The following RYR2 variants were observed in gnomAD, a reference collection of about 807,000 sequenced individuals.
RYR2 encodes ryanodine receptor 2, also known as cardiac muscle ryanodine receptor-calcium release channel.
Under a neutral mutation model 601.1 loss-of-function variants are expected in RYR2, and 227 were observed. That is an observed-to-expected ratio of 0.38 (90% CI 0.34 to 0.42). The LOEUF is 0.42. RYR2 is among the 10% of genes least tolerant of loss of function. The pLI, the probability that RYR2 is intolerant of heterozygous loss-of-function variation, is 1.00. For synonymous variants in RYR2, 2,223 were observed against 2,175.1 expected (o/e 1.02, Z -0.61); for missense variants, 4,646 against 6,156.5 (o/e 0.75, Z 8.21).
At chr1:237,262,211 T>C (rs1572397013) in intron 1 of RYR2, among the ~76,000 whole-genome samples, 1 of 148,240 alleles carries the variant, frequency 6.7e-6, no homozygotes, top group East Asian at 2.1e-4. Context: ...GTTCTGGCCT[T>C]TCTTCCATAA....
intron 34 of RYR2, among the ~76,000 whole-genome samples, chr1:237,598,349 G>A (rs559656754): frequency 1.3e-5 from 2 of 152,174 alleles, no homozygotes; most frequent in African/African-American, 4.8e-5. Flanking sequence ...TGCAACAGAT[G>A]TATAGCTGAA....
intron 29 of RYR2, among the ~76,000 whole-genome samples, chr1:237,585,608 G>A (rs1407473468): frequency 2.6e-5 from 4 of 152,150 alleles, no homozygotes; most frequent in African/African-American, 9.7e-5. Context: ...ATTTTTAAAA[G>A]TAAATGTAGT....
intron 62 of RYR2, among the ~76,000 whole-genome samples, chr1:237,684,945 A>AAT (rs397722429): frequency 6.6e-6 from 1 of 151,172 alleles, no homozygotes; most frequent in Non-Finnish European, 1.5e-5. Context: ...AAAAAAAAAA[A>AAT]TACTGTAAAC....
At chr1:237,119,630 A>G (rs1473619307) in intron 1 of RYR2, among the ~76,000 whole-genome samples, 2 of 152,138 alleles carry the variant, frequency 1.3e-5, no homozygotes, top group East Asian at 3.9e-4. Flanking sequence ...GAATGGAAGG[A>G]AGTGGTAGCT....
chr1:237,558,446 G>T (rs1378287237), intron 27 of RYR2, among the ~76,000 whole-genome samples: 1 of 152,054 alleles, frequency 6.6e-6, no homozygotes. Flanking sequence ...CTGCCTTCTG[G>T]CCTTTATGTT....
At chr1:237,643,104 A>C (rs1681739966) in intron 47 of RYR2, among the ~76,000 whole-genome samples, 1 of 152,270 alleles carries the variant, frequency 6.6e-6, no homozygotes, top group South Asian at 2.1e-4. Context: ...GGCCTAGACC[A>C]TAGTATAAAT....
chr1:237,303,441 G>A (rs9651079), intron 2 of RYR2, among the ~76,000 whole-genome samples: 61,838 of 150,576 alleles, frequency 0.41, 13,076 homozygotes, highest in African/African-American at 0.51. Context: ...CTGGGATTAC[G>A]GGTGCACGCC....
intron 86 of RYR2, 25 bp from the exon 87 acceptor site, chr1:237,773,491 TAATA>T (rs1694426270): frequency 2.6e-6 from 4 of 1,521,188 alleles, no homozygotes; most frequent in Non-Finnish European, 3.6e-6. Flanking sequence ...TGTGACTTGA[TAATA>T]AATAATATCA....
At chr1:237,431,846 T>A (rs1706838339) in intron 12 of RYR2, among the ~76,000 whole-genome samples, 1 of 152,198 alleles carries the variant, frequency 6.6e-6, no homozygotes, top group Admixed American at 6.5e-5. Context: ...AAAGTACTCT[T>A]CAGAACTTTG....
At chr1:237,594,897 T>TTTG (rs1675667537) in intron 33 of RYR2, among the ~76,000 whole-genome samples, 59 of 21,208 alleles carry the variant, frequency 2.8e-3, no homozygotes, top group South Asian at 4.3e-3. Flanking sequence ...TTTTTTTTTT[T>TTTG]TTTTTTTTTT....
intron 2 of RYR2, among the ~76,000 whole-genome samples, chr1:237,284,762 T>TTTA (rs947004420): frequency 9.3e-5 from 14 of 151,244 alleles, no homozygotes; most frequent in South Asian, 4.2e-4. Context: ...TGGGCATTTT[T>TTTA]TTATTATTAT....
intron 9 of RYR2, 50 bp downstream of exon 9, chr1:237,387,430 AG>A (rs1702032464): frequency 6.6e-7 from 1 of 1,525,658 alleles, no homozygotes; most frequent in Admixed American, 1.7e-5. Context: ...CAAAGTTGAC[AG>A]TCATCTTTGG....
chr1:237,536,714 CAAAAAAAAA>C (rs71561885), intron 25 of RYR2, among the ~76,000 whole-genome samples: 2 of 54,420 alleles, frequency 3.7e-5, no homozygotes, highest in Admixed American at 5.0e-4. Flanking sequence ...GATTCCGTCT[CAAAAAAAAA>C]AAAAAAAAAA....
chr1:237,443,441 T>G (rs1477689668), intron 13 of RYR2, among the ~76,000 whole-genome samples: 1 of 152,190 alleles, frequency 6.6e-6, no homozygotes, highest in Non-Finnish European at 1.5e-5. Context: ...CTGAATTTTA[T>G]TAATAAAGAA....
intron 29 of RYR2, among the ~76,000 whole-genome samples, chr1:237,571,045 C>T (rs1378630048): frequency 6.6e-6 from 1 of 151,988 alleles, no homozygotes; most frequent in Non-Finnish European, 1.5e-5. Flanking sequence ...GAGGATCACT[C>T]GAGTCCAGGG....
At chr1:237,251,102 A>C (rs755231541) in intron 1 of RYR2, among the ~76,000 whole-genome samples, 1 of 151,664 alleles carries the variant, frequency 6.6e-6, no homozygotes, top group Admixed American at 6.6e-5. Flanking sequence ...TTTTATTTCT[A>C]CAAAGACAGG....
intron 1 of RYR2, among the ~76,000 whole-genome samples, chr1:237,049,643 AG>A (rs1463542535): frequency 1.3e-5 from 2 of 152,210 alleles, no homozygotes; most frequent in African/African-American, 4.8e-5. Context: ...GGTGGATTAC[AG>A]GCCCTGAAAG....
rs1044475057 is a variant in RYR2 at position 237,367,048 on chromosome 1, C to T, written c.310-2486C>T. Among the ~76,000 whole-genome samples the T allele has an allele frequency of 3.3e-5, 5 of 152,048 alleles. No individual in the cohort carries two copies. In the East Asian group the frequency reaches 7.7e-4, roughly 23 times the overall value. On this transcript the variant is annotated intron_variant, in intron 5 of 104. Transcript: ENST00000366574. ...TCAAAGTAGATTTTTCCCTTTTCTT[C>T]TCAGTTATGTGAAAAAAGTGACTGT...
intron 99 of RYR2, among the ~76,000 whole-genome samples, chr1:237,808,473 A>G (rs1660886768): frequency 6.6e-6 from 1 of 151,854 alleles, no homozygotes; most frequent in South Asian, 2.1e-4. Flanking sequence ...CCAGCCTGAC[A>G]AACATGGAGA....
Sources: allele counts gnomAD v4.1 joint callset (sites outside exome capture counted in the v4.1 genomes callset), GRCh38; gene constraint gnomAD v4.1.1; transcripts MANE v1.5; gene names NCBI Gene and HGNC (gene_info 2026-07-23, HGNC 2026-07-21).